PCDH15: variants seen among roughly 807,000 people sequenced by gnomAD.
PCDH15 encodes protocadherin-15.
A neutral mutation model predicts 178.5 loss-of-function variants in PCDH15; 129 were observed. That is an observed-to-expected ratio of 0.72 (90% confidence interval 0.63 to 0.84). The LOEUF is 0.84. Ranked by LOEUF, PCDH15 falls within the 40% of genes least tolerant of loss-of-function variation. The pLI, the probability that PCDH15 is intolerant of heterozygous loss-of-function variation, is 0.00. For missense variants in PCDH15, 2,230 were observed against 2,099.9 expected, an observed-to-expected ratio of 1.06 and a Z score of -1.21; for synonymous variants, 800 against 732.0, an observed-to-expected ratio of 1.09 and a Z score of -1.50.
intron 2 of PCDH15, among the ~76,000 whole-genome samples, chr10:55,465,499 C>G (rs1839813559): frequency 3.9e-5 from 6 of 152,056 alleles, no homozygotes; most frequent in Admixed American, 3.9e-4. Context: ...CAATGCCAGC[C>G]CCTTTTCATC....
chr10:53,831,632 T>C (rs563028302), intron 29 of PCDH15, 99 bp from the exon 30 acceptor site: 14 of 855,180 alleles, frequency 1.6e-5, no homozygotes, highest in South Asian at 1.6e-4. Context: ...TTTTCTCTAA[T>C]TGAAACACAA....
chr10:54,189,285 G>A, intron 11 of PCDH15: 1 of 1,193,522 alleles, frequency 8.4e-7, no homozygotes, highest in Non-Finnish European at 1.2e-6. Context: ...ACGTGTTTTA[G>A]TGAAGAAAAA....
At chr10:53,860,965 A>T (rs1564629257) in intron 27 of PCDH15, among the ~76,000 whole-genome samples, 1 of 152,122 alleles carries the variant, frequency 6.6e-6, no homozygotes, top group Non-Finnish European at 1.5e-5. Context: ...GTTGTCCCAC[A>T]CTTACCTCTA....
chr10:55,307,398 G>C (rs1300507150), intron 1 of PCDH15, among the ~76,000 whole-genome samples: 2 of 151,760 alleles, frequency 1.3e-5, no homozygotes, highest in Non-Finnish European at 2.9e-5. Flanking sequence ...AGCTACTCGG[G>C]AGGCTGAGGC....
At chr10:54,767,344 A>C (rs1271903364) in intron 1 of PCDH15, among the ~76,000 whole-genome samples, 4 of 152,188 alleles carry the variant, frequency 2.6e-5, no homozygotes, top group Non-Finnish European at 5.9e-5. Flanking sequence ...AAATGAAAGT[A>C]TCAAACAGAA....
chr10:53,862,224 AATTTTT>A (rs2079152253), intron 27 of PCDH15, among the ~76,000 whole-genome samples: 1 of 151,716 alleles, frequency 6.6e-6, no homozygotes, highest in Non-Finnish European at 1.5e-5. Flanking sequence ...GCTAATTTTG[AATTTTT>A]AATAGAGACG....
chr10:53,950,221 T>C (rs1402091326), intron 23 of PCDH15, among the ~76,000 whole-genome samples: 1 of 151,992 alleles, frequency 6.6e-6, no homozygotes, highest in Non-Finnish European at 1.5e-5. Flanking sequence ...ACTTATAGTA[T>C]ATTCTCTGAG....
intron 2 of PCDH15, among the ~76,000 whole-genome samples, chr10:54,898,777 T>A (rs1954589742): frequency 6.6e-6 from 1 of 152,160 alleles, no homozygotes; most frequent in South Asian, 2.1e-4. Context: ...ATAGATAACA[T>A]GTAGCATGAA....
At chr10:55,411,354 T>A (rs1838326308) in intron 2 of PCDH15, among the ~76,000 whole-genome samples, 1 of 152,112 alleles carries the variant, frequency 6.6e-6, no homozygotes, top group Non-Finnish European at 1.5e-5. Flanking sequence ...TTACTATAAT[T>A]GTGAACTAAA....
intron 2 of PCDH15, among the ~76,000 whole-genome samples, chr10:55,467,935 C>T (rs1237320266): frequency 7.6e-6 from 1 of 132,110 alleles, no homozygotes; most frequent in Non-Finnish European, 1.5e-5. Context: ...CCACTGCACT[C>T]CAGCCTGGGC....
chr10:54,846,766 C>A (rs1246859836), intron 3 of PCDH15, among the ~76,000 whole-genome samples: 1 of 152,006 alleles, frequency 6.6e-6, no homozygotes, highest in Non-Finnish European at 1.5e-5. Context: ...CCATTTCCTG[C>A]CAATACACTA....
chr10:54,652,381 T>C (rs2094282215), intron 2 of PCDH15, among the ~76,000 whole-genome samples: 1 of 152,112 alleles, frequency 6.6e-6, no homozygotes, highest in Non-Finnish European at 1.5e-5. Context: ...CTGGAATAGC[T>C]CAGTCCTCCA....
intron 5 of PCDH15, among the ~76,000 whole-genome samples, chr10:54,347,846 A>ATTATTTATTTATTTATTTATTTAT (rs374427938): frequency 3.3e-5 from 5 of 151,662 alleles, no homozygotes; most frequent in African/African-American, 1.2e-4. Context: ...ACAGATTTTT[A>ATTATTTATTTATTTATTTATTTAT]TTATTTATTT....
Position 54,493,814 on chromosome 10 carries a change from T to C in PCDH15, c.157+33998A>G, listed in dbSNP as rs1227490430. ...ATTTTTATTGCGGCACTATTCACAA[T>C]AGCAAAGATTTGGAACCAATCCAAA... On this transcript the variant is annotated intron_variant, in intron 3 of 37. Coordinates refer to ENST00000644397, the MANE Select transcript of PCDH15 (RefSeq NM_001384140.1). Among the ~76,000 whole-genome samples the C allele has an allele frequency of 2.0e-5, 3 of 152,092 alleles. No individual in the cohort carries two copies. The East Asian group carries it at 5.8e-4, about 30-fold the overall frequency.
intron 2 of PCDH15, among the ~76,000 whole-genome samples, chr10:55,118,912 A>G (rs1837693702): frequency 6.6e-6 from 1 of 152,150 alleles, no homozygotes; most frequent in African/African-American, 2.4e-5. Flanking sequence ...AAACTTGACT[A>G]TCAACCTACT....
chr10:55,296,600 A>C (rs1448507762), intron 1 of PCDH15, among the ~76,000 whole-genome samples: 1 of 152,216 alleles, frequency 6.6e-6, no homozygotes, highest in Non-Finnish European at 1.5e-5. Context: ...TAAGGGTTTT[A>C]GAAGCTCTGT....
intron 9 of PCDH15, among the ~76,000 whole-genome samples, chr10:54,233,327 T>C (rs75514009): frequency 1.3e-5 from 2 of 151,826 alleles, no homozygotes; most frequent in African/African-American, 2.4e-5. Context: ...GAGATTAAAA[T>C]ACATGTTACA....
chr10:55,474,083 G>T (rs1441812154), intron 2 of PCDH15, among the ~76,000 whole-genome samples: 2 of 152,066 alleles, frequency 1.3e-5, no homozygotes, highest in Non-Finnish European at 2.9e-5. Context: ...TATTCATGTT[G>T]CGTTGAAGGT....
intron 18 of PCDH15, among the ~76,000 whole-genome samples, chr10:54,058,278 A>G (rs2093940532): frequency 6.6e-6 from 1 of 152,204 alleles, no homozygotes; most frequent in African/African-American, 2.4e-5. Flanking sequence ...TCATGCTGCT[A>G]ATAAACACAT....
Sources: gnomAD v4.1 joint callset for allele counts (sites outside exome capture counted in the v4.1 genomes callset) on GRCh38, gnomAD v4.1.1 for gene constraint, MANE v1.5 for transcripts, NCBI Gene and HGNC (gene_info 2026-07-23, HGNC 2026-07-21) for gene names.